The following CLIP2 variants were observed in gnomAD, a reference collection of about 807,000 sequenced individuals.
CLIP2 encodes the protein CAP-Gly domain containing linker protein 2.
Under a neutral mutation model 111.7 loss-of-function variants are expected in CLIP2, and 41 were observed. That is an observed-to-expected ratio of 0.37 (90% CI 0.29 to 0.48). The LOEUF is 0.48. CLIP2 is among the 20% of genes least tolerant of loss of function. The pLI is 0.99. For missense variants in CLIP2, 1,160 were observed against 1,422.1 expected (o/e 0.82, Z 2.96); for synonymous variants, 660 against 644.2 (o/e 1.02, Z -0.37).
At chr7:74,301,023 G>T (rs190095484) in intron 1 of CLIP2, among the ~76,000 whole-genome samples, 27 of 152,268 alleles carry the variant, frequency 1.8e-4, no homozygotes, top group African/African-American at 6.5e-4. Context: ...TCTCATAAAG[G>T]TTGTACTAAT....
intron 2 of CLIP2, among the ~76,000 whole-genome samples, chr7:74,332,460 C>CCTTTTT (rs1368214014): frequency 3.6e-5 from 4 of 110,324 alleles, no homozygotes; most frequent in South Asian, 6.1e-4. Context: ...CTAGAATTCT[C>CCTTTTT]TTTTTTTTTT....
intron 13 of CLIP2, among the ~76,000 whole-genome samples, chr7:74,390,179 A>AAG (rs1307798350): frequency 1.1e-5 from 1 of 87,228 alleles, no homozygotes; most frequent in East Asian, 2.5e-4. Context: ...GAAAGAAAGA[A>AAG]AGAAAGAAAG....
chr7:74,346,733 A>AC (rs1218553108), intron 3 of CLIP2, among the ~76,000 whole-genome samples: 1 of 62,546 alleles, frequency 1.6e-5, no homozygotes, highest in Non-Finnish European at 5.6e-5. Flanking sequence ...AAAAAAAAAA[A>AC]AAAAAAAAAC....
intron 7 of CLIP2, among the ~76,000 whole-genome samples, chr7:74,361,067 G>T (rs1554309610): frequency 6.6e-6 from 1 of 151,200 alleles, no homozygotes; most frequent in Non-Finnish European, 1.5e-5. Context: ...TGAGACCTGT[G>T]AGTGGAGCTC....
At chr7:74,350,830 C>T (rs917350962) in intron 3 of CLIP2, among the ~76,000 whole-genome samples, 3 of 151,006 alleles carry the variant, frequency 2.0e-5, no homozygotes, top group African/African-American at 7.3e-5. Flanking sequence ...CGCACCACTG[C>T]ACTCCAGTAT....
chr7:74,403,510 A>T (rs922459234), intron 16 of CLIP2, among the ~76,000 whole-genome samples: 7 of 152,236 alleles, frequency 4.6e-5, no homozygotes, highest in African/African-American at 1.4e-4. Context: ...CGAAGGTTGC[A>T]GTGAGCTGAG....
At chr7:74,353,310 G>A (rs1790061774) in intron 3 of CLIP2, among the ~76,000 whole-genome samples, 1 of 151,328 alleles carries the variant, frequency 6.6e-6, no homozygotes, top group African/African-American at 2.4e-5. Flanking sequence ...GAGTGCACTG[G>A]CGCAATCTCG....
intron 1 of CLIP2, among the ~76,000 whole-genome samples, chr7:74,313,058 G>A (rs894261337): frequency 3.9e-5 from 6 of 152,148 alleles, no homozygotes; most frequent in African/African-American, 1.4e-4. Flanking sequence ...GCACACACCT[G>A]TAATCCCAGC....
intron 1 of CLIP2, among the ~76,000 whole-genome samples, chr7:74,299,441 C>A (rs1788262397): frequency 6.6e-6 from 1 of 152,210 alleles, no homozygotes; most frequent in Non-Finnish European, 1.5e-5. Context: ...CTCCACTCTC[C>A]CCACCCATAG....
rs182032190 is a variant in CLIP2, at chr7:74,401,751, T to C, written c.3129+184T>C. ...TCCAGATTCACCCTGCTCTTTTTGA[T>C]TTGTGTTTTCTTCCCTTCTTAAAAA... On this transcript the variant is annotated intron_variant, in intron 16 of 16. Transcript: ENST00000223398. 1,142 of 726,672 alleles carry C rather than the reference T, an allele frequency of 1.6e-3. 13 individuals carry two copies. The highest frequency in any genetic ancestry group is 0.013 in the Admixed American group (670 of 49,646). 45.0% of individuals were successfully genotyped at this position (726,672 alleles called of 1,614,324 possible). A position where few individuals can be genotyped will look rare whatever the true frequency, so the allele number is the denominator to read the frequency against.
At position 74,404,770 on chromosome 7, in the gene CLIP2, G is replaced by A. The variant is rs995664598; in HGVS notation, c.*922G>A. ...CATCCACCTGGAGATGCAGCTAAGT[G>A]GGTCCTTATGTACACACCACGTTCA... On this transcript the variant is annotated 3_prime_UTR_variant, in exon 17 of 17. Transcript: ENST00000223398. The A allele has an allele frequency of 1.3e-5, 2 of 152,184 alleles. No individual in the cohort carries two copies. The highest frequency in any genetic ancestry group is 2.9e-5 in the Non-Finnish European group (2 of 68,072). The allele number at this position is 152,184 out of a possible 1,614,324, so 9.4% of individuals were successfully genotyped here. A position where few individuals can be genotyped will look rare whatever the true frequency, so the allele number is the denominator to read the frequency against.
At chr7:74,397,565 T>C (rs1791491130) in intron 14 of CLIP2, among the ~76,000 whole-genome samples, 1 of 151,658 alleles carries the variant, frequency 6.6e-6, no homozygotes, top group Non-Finnish European at 1.5e-5. Context: ...AGTTCCTTGC[T>C]CAGGGTCCTG....
Position 74,339,025 on chromosome 7 carries a change from G to A in CLIP2, c.678+21G>A, listed in dbSNP as rs1554732843. On this transcript the variant is annotated intron_variant, in intron 3 of 16. Transcript: ENST00000223398. ...TGCTGGTGAGTGCGGGCAGTACTGGGCTCTGGGCCCAGCTTCCCTTCCCTC... is the reference window on the plus strand; with the variant it reads ...TGCTGGTGAGTGCGGGCAGTACTGGACTCTGGGCCCAGCTTCCCTTCCCTC... 9.5e-6 allele frequency: 15 copies of A among 1,574,722 alleles called. No individual in the cohort carries two copies. In the South Asian group the frequency reaches 1.7e-4, roughly 18 times the overall value.
chr7:74,347,808 T>C (rs1789846461), intron 3 of CLIP2, among the ~76,000 whole-genome samples: 1 of 152,046 alleles, frequency 6.6e-6, no homozygotes, highest in South Asian at 2.1e-4. Context: ...CTCTGGGAAA[T>C]GAAAAATATC....
intron 8 of CLIP2, among the ~76,000 whole-genome samples, chr7:74,367,435 C>G (rs989183774): frequency 6.6e-6 from 1 of 152,178 alleles, no homozygotes. Context: ...CATGATTCGC[C>G]CGCCTCAGAC....
At chr7:74,349,638 T>G (rs1222434483) in intron 3 of CLIP2, among the ~76,000 whole-genome samples, 2 of 151,372 alleles carry the variant, frequency 1.3e-5, no homozygotes, top group Non-Finnish European at 2.9e-5. Flanking sequence ...CCATTTCCTT[T>G]TGAGATAAAG....
chr7:74,368,609 T>C (rs1174080921), intron 8 of CLIP2, among the ~76,000 whole-genome samples: 2 of 152,086 alleles, frequency 1.3e-5, no homozygotes, highest in African/African-American at 2.4e-5. Context: ...TCCAAAATCA[T>C]GCACATCCGC....
intron 1 of CLIP2, among the ~76,000 whole-genome samples, chr7:74,308,955 C>T (rs1247947557): frequency 1.3e-5 from 2 of 152,086 alleles, no homozygotes; most frequent in Non-Finnish European, 2.9e-5. Flanking sequence ...GCAGCCTCAA[C>T]CTCCTGGGCT....
intron 2 of CLIP2, among the ~76,000 whole-genome samples, chr7:74,329,087 GTT>G (rs35692014): frequency 1.1e-3 from 121 of 111,064 alleles, no homozygotes; most frequent in African/African-American, 3.9e-3. Context: ...TTTTTTTTTG[GTT>G]TTTTTTTTTT....
Sources: gnomAD v4.1 joint callset for allele counts (sites outside exome capture counted in the v4.1 genomes callset) on GRCh38, gnomAD v4.1.1 for gene constraint, MANE v1.5 for transcripts, NCBI Gene and HGNC (gene_info 2026-07-23, HGNC 2026-07-21) for gene names.